RRM2: variants seen among roughly 807,000 people sequenced by gnomAD.
RRM2 encodes ribonucleoside-diphosphate reductase subunit M2.
Under a neutral mutation model 45.9 loss-of-function variants are expected in RRM2, and 6 were observed. The ratio of observed to expected loss-of-function variants is 0.13; its 90% CI spans 0.07 to 0.26. RRM2 has a LOEUF of 0.26. Ranked by LOEUF, RRM2 falls within the 10% of genes least tolerant of loss-of-function variation. The pLI is 1.00. For synonymous variants in RRM2, 177 were observed against 173.0 expected (o/e 1.02, Z -0.18); for missense variants, 343 against 489.5 (o/e 0.70, Z 2.82).
chr2:10,168,358 T>A (rs4669546), intron 3 of RRM2, among the ~76,000 whole-genome samples: 1 of 152,018 alleles, frequency 6.6e-6, no homozygotes, highest in Non-Finnish European at 1.5e-5. Context: ...TCGAGAGATC[T>A]CCTCCATCTT....
At chr2:10,207,531 G>A (rs1164680172) in intron 3 of RRM2, among the ~76,000 whole-genome samples, 1 of 152,120 alleles carries the variant, frequency 6.6e-6, no homozygotes, top group Non-Finnish European at 1.5e-5. Flanking sequence ...CCACCTCTCA[G>A]ACTCACCTCC....
At chr2:10,178,673 C>T (rs373356161) in intron 3 of RRM2, among the ~76,000 whole-genome samples, 4 of 152,128 alleles carry the variant, frequency 2.6e-5, no homozygotes, top group South Asian at 2.1e-4. Flanking sequence ...TTTTTGCAGT[C>T]GGCATAGTTC....
intron 3 of RRM2, among the ~76,000 whole-genome samples, chr2:10,156,536 G>A (rs1212089412): frequency 6.6e-6 from 1 of 152,232 alleles, no homozygotes; most frequent in Admixed American, 6.5e-5. Context: ...TGCCTCCTGG[G>A]AAAGTTCTCA....
chr2:10,157,093 A>G (rs574498980), intron 3 of RRM2, among the ~76,000 whole-genome samples: 9 of 139,688 alleles, frequency 6.4e-5, no homozygotes, highest in South Asian at 4.5e-4. Context: ...CAGTGGCGCA[A>G]TCTCGGCTCA....
intron 3 of RRM2, among the ~76,000 whole-genome samples, chr2:10,186,653 T>C (rs538226058): frequency 2.0e-5 from 3 of 152,230 alleles, no homozygotes; most frequent in Non-Finnish European, 4.4e-5. Flanking sequence ...GGTCTCATAG[T>C]TGAGCAGTGG....
At chr2:10,139,043 G>A (rs1166247140), upstream of RRM2, among the ~76,000 whole-genome samples, 4 of 152,180 alleles carry the variant, frequency 2.6e-5, no homozygotes, top group African/African-American at 4.8e-5. Flanking sequence ...GGGAGGTGGC[G>A]GTTGTAGTGA....
At chr2:10,128,275 C>G (rs1662825123) in intron 7 of RRM2, among the ~76,000 whole-genome samples, 2 of 152,106 alleles carry the variant, frequency 1.3e-5, no homozygotes, top group African/African-American at 4.8e-5. Flanking sequence ...TAGTGTATGT[C>G]TTTGATTAAG....
intron 3 of RRM2, chr2:10,210,214 C>A: frequency 1.3e-6 from 1 of 750,672 alleles, no homozygotes; most frequent in Non-Finnish European, 2.0e-6. Flanking sequence ...TGGCCATGTT[C>A]CGGCTCCCTA....
intron 3 of RRM2, among the ~76,000 whole-genome samples, chr2:10,181,374 G>A (rs1572521483): frequency 2.0e-5 from 3 of 152,266 alleles, no homozygotes; most frequent in Admixed American, 2.0e-4. Context: ...AGTTTTTGCA[G>A]CCTTTTCAAG....
chr2:10,153,831 A>G (rs1663369014), intron 3 of RRM2, among the ~76,000 whole-genome samples: 1 of 152,216 alleles, frequency 6.6e-6, no homozygotes, highest in Non-Finnish European at 1.5e-5. Context: ...GCAAATTCCC[A>G]GGAAAATTTA....
At chr2:10,138,470 T>G (rs1434518530), upstream of RRM2, among the ~76,000 whole-genome samples, 1 of 151,676 alleles carries the variant, frequency 6.6e-6, no homozygotes, top group African/African-American at 2.4e-5. Flanking sequence ...CCTGGCCAAT[T>G]TTTGTATTTT....
chr2:10,175,441 C>A (rs1663895373), intron 3 of RRM2, among the ~76,000 whole-genome samples: 1 of 152,160 alleles, frequency 6.6e-6, no homozygotes, highest in Admixed American at 6.5e-5. Context: ...TAAATACATT[C>A]ATAATGTTGT....
chr2:10,200,602 A>C lies in RRM2; in HGVS notation n.483-9709A>C. On this transcript the variant is annotated intron_variant and non_coding_transcript_variant, in intron 3 of 3. Coordinates refer to the RRM2 transcript ENST00000381786. ...ACAGGGACCGCGCGCGCAAAATATGAGGCCCACAGGGACCGCGCGCGCAAA... is the reference window on the plus strand; with the variant it reads ...ACAGGGACCGCGCGCGCAAAATATGCGGCCCACAGGGACCGCGCGCGCAAA... Among the ~76,000 whole-genome samples, 2 of 59,416 alleles carry C rather than the reference A, an allele frequency of 3.4e-5. 1 individual carries two copies. The highest frequency in any genetic ancestry group is 1.1e-3 in the South Asian group (2 of 1,760). 39.0% of individuals were successfully genotyped at this position (59,416 alleles called of 152,430 possible). A position where few individuals can be genotyped will look rare whatever the true frequency, so the allele number is the denominator to read the frequency against.
chr2:10,150,865 G>A (rs923224949), intron 3 of RRM2, among the ~76,000 whole-genome samples: 1 of 147,052 alleles, frequency 6.8e-6, no homozygotes, highest in Non-Finnish European at 1.5e-5. Flanking sequence ...CTAGGCTAGA[G>A]TGCAATGGCG....
intron 3 of RRM2, among the ~76,000 whole-genome samples, chr2:10,186,345 C>T (rs1391849910): frequency 3.3e-5 from 5 of 149,368 alleles, no homozygotes; most frequent in African/African-American, 1.2e-4. Context: ...TTAGTAGAGA[C>T]GGAGTTTCAC....
At chr2:10,168,346 G>A (rs911676229) in intron 3 of RRM2, among the ~76,000 whole-genome samples, 3 of 152,018 alleles carry the variant, frequency 2.0e-5, no homozygotes, top group Admixed American at 2.0e-4. Flanking sequence ...TTAATAGCGG[G>A]TTCGAGAGAT....
intron 3 of RRM2, among the ~76,000 whole-genome samples, chr2:10,153,766 G>T (rs1227240563): frequency 6.6e-6 from 1 of 152,154 alleles, no homozygotes; most frequent in Non-Finnish European, 1.5e-5. Context: ...AAAGCACTGA[G>T]AACTTTTTCT....
rs533640173 is a variant in RRM2 at position 10,166,121 on chromosome 2, A to C, written n.482+23746A>C. 4.6e-5 allele frequency among the ~76,000 whole-genome samples: 7 copies of C among 152,290 alleles called. No individual in the cohort carries two copies. The South Asian group carries it at 1.5e-3, about 32-fold the overall frequency. ...TAGCTTGGTGAGGGCAGCGTGGAGG[A>C]CACCGTTCCATCTTAATGCCTTTCC... On this transcript the variant is annotated intron_variant and non_coding_transcript_variant, in intron 3 of 3. Transcript: ENST00000381786.
upstream of RRM2, among the ~76,000 whole-genome samples, chr2:10,140,494 G>A (rs1329334621): frequency 1.3e-5 from 2 of 152,176 alleles, no homozygotes; most frequent in African/African-American, 4.8e-5. Context: ...TGAGAGCTCC[G>A]TAGTGGACCT....
Sources: gnomAD v4.1 joint callset for allele counts (sites outside exome capture counted in the v4.1 genomes callset) on GRCh38, gnomAD v4.1.1 for gene constraint, MANE v1.5 for transcripts, NCBI Gene and HGNC (gene_info 2026-07-23, HGNC 2026-07-21) for gene names.